Variants in BTBD7 observed in about 807,000 individuals in gnomAD.
BTBD7 encodes BTB domain containing 7.
BTBD7 carries 38 observed loss-of-function variants against 99.9 expected under a neutral mutation model. That is an observed-to-expected ratio of 0.38 (90% CI 0.29 to 0.50). The LOEUF is 0.50. Among genes scored for constraint, BTBD7 ranks in the 20% least tolerant of loss-of-function variants. The probability of loss-of-function intolerance (pLI) is 0.93; values close to 1 mark genes in which losing one functional copy is unlikely to be tolerated. For missense variants in BTBD7, 1,170 were observed against 1,394.6 expected (o/e 0.84, Z 2.57); for synonymous variants, 520 against 511.4 (o/e 1.02, Z -0.23).
intron 10 of BTBD7, among the ~76,000 whole-genome samples, chr14:93,245,128 T>C (rs910282437): frequency 3.3e-5 from 5 of 150,704 alleles, no homozygotes; most frequent in African/African-American, 1.2e-4. Flanking sequence ...TCCTAAAGTG[T>C]TGGGATTACA....
In BTBD7 at chr14:93,239,622, G is replaced by C. The variant is rs1392877354; in HGVS notation, c.*2651C>G. The C allele has an allele frequency of 6.6e-6, 1 of 152,234 alleles. No individual in the cohort carries two copies. Among genetic ancestry groups the C allele is most frequent in the African/African-American group, 2.4e-5 (1 of 41,338 alleles). The allele number at this position is 152,234 out of a possible 1,614,324, so 9.4% of individuals were successfully genotyped here. A position where few individuals can be genotyped will look rare whatever the true frequency, so the allele number is the denominator to read the frequency against. ...AAAGTCCACTAACACCTAACCTAAC[G>C]CACACAAAACCCACGCCTGTTTACC... is the stretch of plus-strand genomic sequence containing the variant. On this transcript the variant is annotated 3_prime_UTR_variant, in exon 11 of 11. Coordinates refer to ENST00000334746, the MANE Select transcript of BTBD7 (RefSeq NM_001002860.4).
At position 93,310,733 on chromosome 14, in the gene BTBD7, CTG is replaced by C. The variant is rs2053126908; in HGVS notation, c.-106-14578_-106-14577del. On this transcript the variant is annotated intron_variant, in intron 1 of 10. Coordinates refer to ENST00000334746, the MANE Select transcript of BTBD7 (RefSeq NM_001002860.4). ...CACTCTAGCCTGGGCAACAGTGACTCTGTTTCCAAAAACAAACAAACAAAAAA... is the reference window on the plus strand; with the variant it reads ...CACTCTAGCCTGGGCAACAGTGACTCTTTCCAAAAACAAACAAACAAAAAA... 2.7e-5 allele frequency among the ~76,000 whole-genome samples: 4 copies of C among 147,756 alleles called. No individual in the cohort carries two copies. In the South Asian group the frequency reaches 8.5e-4, roughly 31 times the overall value.
chr14:93,261,542 A>G, intron 5 of BTBD7, 60 bp downstream of exon 5: 1 of 1,290,116 alleles, frequency 7.8e-7, no homozygotes, highest in South Asian at 1.2e-5. Flanking sequence ...ATGCATTTCT[A>G]TATAAGAACC....
chr14:93,332,900 TCCGCACCGGCGC>T lies in BTBD7; in HGVS notation c.-199_-188del, dbSNP rs555340818. On this transcript the variant is annotated 5_prime_UTR_variant, in exon 1 of 11. Coordinates refer to ENST00000334746, the MANE Select transcript of BTBD7 (RefSeq NM_001002860.4). ...GCCGCCGCCGCCACCAGCACCGCCGTCCGCACCGGCGCCAGCACCCCCGGCCATCCTCCTCCC... is the reference window on the plus strand; with the variant it reads ...GCCGCCGCCGCCACCAGCACCGCCGTCAGCACCCCCGGCCATCCTCCTCCC... 656 of 1,379,992 alleles carry T rather than the reference TCCGCACCGGCGC, an allele frequency of 4.8e-4. 7 individuals are homozygous for T. The African/African-American group carries it at 9.4e-3, about 20-fold the overall frequency. The allele number at this position is 1,379,992 out of a possible 1,614,324, so 85.5% of individuals were successfully genotyped here.
chr14:93,319,274 A>T (rs1416264145), intron 1 of BTBD7, among the ~76,000 whole-genome samples: 1 of 152,230 alleles, frequency 6.6e-6, no homozygotes, highest in Non-Finnish European at 1.5e-5. Flanking sequence ...TCCTTGCAGG[A>T]TGTTAAACTA....
intron 8 of BTBD7, among the ~76,000 whole-genome samples, chr14:93,250,931 G>A (rs1438720788): frequency 6.6e-6 from 1 of 152,194 alleles, no homozygotes; most frequent in Non-Finnish European, 1.5e-5. Context: ...AGGTATGATA[G>A]TGCATTTGAC....
chr14:93,306,013 T>C (rs2053065458), intron 1 of BTBD7, among the ~76,000 whole-genome samples: 1 of 152,216 alleles, frequency 6.6e-6, no homozygotes, highest in South Asian at 2.1e-4. Flanking sequence ...TACGTTCAAC[T>C]GACATACAGA....
chr14:93,280,065 G>A (rs1319369685), intron 3 of BTBD7, among the ~76,000 whole-genome samples: 2 of 152,144 alleles, frequency 1.3e-5, no homozygotes, highest in African/African-American at 4.8e-5. Context: ...TCAAAATGTA[G>A]TTTAGAAGTG....
chr14:93,331,578 CAA>C (rs2053411118), intron 1 of BTBD7, among the ~76,000 whole-genome samples: 2 of 152,278 alleles, frequency 1.3e-5, no homozygotes, highest in South Asian at 4.1e-4. Context: ...CTATTAGGGA[CAA>C]AAGATTGTTA....
At chr14:93,286,555 T>C (rs1163583307) in intron 3 of BTBD7, among the ~76,000 whole-genome samples, 1 of 152,200 alleles carries the variant, frequency 6.6e-6, no homozygotes, top group Non-Finnish European at 1.5e-5. Flanking sequence ...AGTTGATGTT[T>C]CAATCACTAT....
intron 9 of BTBD7, among the ~76,000 whole-genome samples, chr14:93,247,807 A>G (rs2052329609): frequency 6.6e-6 from 1 of 152,196 alleles, no homozygotes; most frequent in African/African-American, 2.4e-5. Context: ...AACCAGTGCT[A>G]TTGCTTTTGT....
At chr14:93,267,635 A>C (rs886540970) in intron 3 of BTBD7, among the ~76,000 whole-genome samples, 1 of 152,190 alleles carries the variant, frequency 6.6e-6, no homozygotes, top group Admixed American at 6.5e-5. Flanking sequence ...CAGACATCTT[A>C]AATGCCAAAG....
chr14:93,261,537 T>C (rs2052488906), intron 5 of BTBD7, 65 bp downstream of exon 5: 6 of 1,250,642 alleles, frequency 4.8e-6, no homozygotes. Context: ...GCGGCATGCA[T>C]TTCTATATAA....
Position 93,300,855 on chromosome 14 carries a change from A to T in BTBD7, c.-106-4698T>A, listed in dbSNP as rs550716219. 5.3e-5 allele frequency among the ~76,000 whole-genome samples: 8 copies of T among 149,778 alleles called. No individual in the cohort carries two copies. In the East Asian group the frequency reaches 1.6e-3, roughly 29 times the overall value. On this transcript the variant is annotated intron_variant, in intron 1 of 10. Coordinates refer to ENST00000334746, the MANE Select transcript of BTBD7 (RefSeq NM_001002860.4). The stretch of plus-strand genomic sequence containing the variant: ...GGTCTCAAACTCCTGAGCTCAAGTG[A>T]TCTATCTATCTTGGCTTCCCAAAGT...
intron 3 of BTBD7, among the ~76,000 whole-genome samples, chr14:93,287,322 G>GC (rs1315842490): frequency 0.011 from 756 of 67,858 alleles, 3 homozygotes; most frequent in Admixed American, 0.031. Flanking sequence ...AAACCCCCCC[G>GC]CCCCCCCACC....
Position 93,294,529 on chromosome 14 carries a change from C to G in BTBD7, c.491G>C (p.Cys164Ser). The change falls in exon 3 of 11, where the codon TGT (cysteine) becomes TCT (serine). Residue 164 changes from cysteine (C) to serine (S), a missense_variant. By Grantham distance (112) the Cys-to-Ser change is moderately radical (BLOSUM62 -1). Coordinates refer to ENST00000334746, the MANE Select transcript of BTBD7 (RefSeq NM_001002860.4). ...AGAAAGCAGTGTTTTAAAAAATGGACACCTTGCTGCCAAAATGGCACGATG... is the reference window on the plus strand; with the variant it reads ...AGAAAGCAGTGTTTTAAAAAATGGAGACCTTGCTGCCAAAATGGCACGATG... The part of the protein sequence containing the change: ...PVHRAILAAR[C>S]PFFKTLLSSS... 4 of 1,613,982 alleles carry G rather than the reference C, an allele frequency of 2.5e-6. No individual in the cohort carries two copies. The highest frequency in any genetic ancestry group is 3.4e-6 in the Non-Finnish European group (4 of 1,179,972).
chr14:93,295,941 A>C, intron 2 of BTBD7, 29 bp downstream of exon 2: 1 of 1,606,342 alleles, frequency 6.2e-7, no homozygotes, highest in Non-Finnish European at 8.5e-7. Context: ...GTCACAAAAG[A>C]AAATGAAGTT....
In BTBD7 at chr14:93,240,242, G is replaced by C. The variant is rs2052209159; in HGVS notation, c.*2031C>G. ...AGCGCACCCGCACAGCAGCTAACCAGTCAGGCAGCAGAACGAGTGGCGGCA... is the reference window on the plus strand; with the variant it reads ...AGCGCACCCGCACAGCAGCTAACCACTCAGGCAGCAGAACGAGTGGCGGCA... On this transcript the variant is annotated 3_prime_UTR_variant, in exon 11 of 11. Coordinates refer to ENST00000334746, the MANE Select transcript of BTBD7 (RefSeq NM_001002860.4). 1 of 152,730 alleles carries C rather than the reference G, an allele frequency of 6.5e-6. No individual in the cohort carries two copies. Among genetic ancestry groups the C allele is most frequent in the Non-Finnish European group, 1.5e-5 (1 of 68,072 alleles). The allele number at this position is 152,730 out of a possible 1,614,324, so 9.5% of individuals were successfully genotyped here.
At chr14:93,296,283 C>T in intron 1 of BTBD7, 126 bp from the exon 2 acceptor site, 1 of 603,956 alleles carries the variant, frequency 1.7e-6, no homozygotes, top group Non-Finnish European at 2.4e-6. Flanking sequence ...ATTCACATGT[C>T]AAATTTTCAT....
Sources: allele counts gnomAD v4.1 joint callset (sites outside exome capture counted in the v4.1 genomes callset), GRCh38; gene constraint gnomAD v4.1.1; transcripts MANE v1.5; gene names NCBI Gene and HGNC (gene_info 2026-07-23, HGNC 2026-07-21).